The following PTPRZ1 variants were observed in gnomAD, a reference collection of about 807,000 sequenced individuals.
PTPRZ1 encodes the protein receptor-type tyrosine-protein phosphatase zeta.
Under a neutral mutation model 214.1 loss-of-function variants are expected in PTPRZ1, and 82 were observed. The ratio of observed to expected loss-of-function variants is 0.38; its 90% confidence interval spans 0.32 to 0.46. The LOEUF (loss-of-function observed/expected upper bound fraction) is 0.46, where lower values mean the gene tolerates loss of function less well. PTPRZ1 is among the 20% of genes least tolerant of loss of function. PTPRZ1 has a pLI of 1.00. For missense variants in PTPRZ1, 2,603 were observed against 2,748.7 expected (o/e 0.95, Z 1.19); for synonymous variants, 945 against 987.9 (o/e 0.96, Z 0.81).
chr7:121,913,789 A>C (rs1218247505), intron 1 of PTPRZ1, among the ~76,000 whole-genome samples: 1 of 152,292 alleles, frequency 6.6e-6, no homozygotes, highest in South Asian at 2.1e-4. Flanking sequence ...GATTGAGTGA[A>C]ATTTCAAATT....
intron 13 of PTPRZ1, among the ~76,000 whole-genome samples, chr7:122,019,623 A>G (rs1487146892): frequency 1.4e-5 from 2 of 145,120 alleles, no homozygotes; most frequent in African/African-American, 2.8e-5. Context: ...TTTTTTATAT[A>G]ATAACAAGTA....
chr7:121,963,011 T>G (rs1394120057), intron 2 of PTPRZ1, among the ~76,000 whole-genome samples: 1 of 152,084 alleles, frequency 6.6e-6, no homozygotes, highest in African/African-American at 2.4e-5. Context: ...TGTTTGTTGG[T>G]TTTTCCACTA....
intron 8 of PTPRZ1, among the ~76,000 whole-genome samples, chr7:121,993,183 C>T (rs979763630): frequency 6.6e-6 from 1 of 152,042 alleles, no homozygotes; most frequent in African/African-American, 2.4e-5. Flanking sequence ...TGTCTGAGTA[C>T]ATATTGATCT....
intron 1 of PTPRZ1, among the ~76,000 whole-genome samples, chr7:121,888,990 AAC>A (rs1261544238): frequency 6.6e-6 from 1 of 152,182 alleles, no homozygotes; most frequent in African/African-American, 2.4e-5. Context: ...CAGGTTTTAA[AAC>A]ACAATTATAT....
At chr7:121,940,741 C>T (rs1466143381) in intron 2 of PTPRZ1, among the ~76,000 whole-genome samples, 1 of 151,820 alleles carries the variant, frequency 6.6e-6, no homozygotes, top group Non-Finnish European at 1.5e-5. Context: ...GGTTTATGTC[C>T]ATCACGCAAT....
At chr7:122,052,046 A>C in intron 25 of PTPRZ1, 107 bp downstream of exon 25, 2 of 786,148 alleles carry the variant, frequency 2.5e-6, no homozygotes, top group South Asian at 2.1e-5. Flanking sequence ...ATGAGTGGTA[A>C]ATTTAAGTTA....
chr7:122,019,321 C>G (rs896595378), intron 13 of PTPRZ1, 53 bp downstream of exon 13: 1 of 1,528,780 alleles, frequency 6.5e-7, no homozygotes, highest in Admixed American at 1.8e-5. Context: ...CAGATTTTGC[C>G]CATATTTCAT....
chr7:121,958,951 G>C (rs1796791749), intron 2 of PTPRZ1, among the ~76,000 whole-genome samples: 1 of 152,146 alleles, frequency 6.6e-6, no homozygotes, highest in South Asian at 2.1e-4. Flanking sequence ...AGCCTCCTGA[G>C]TAGCTGGGAC....
At chr7:121,957,095 G>T (rs1055603968) in intron 2 of PTPRZ1, among the ~76,000 whole-genome samples, 1 of 152,198 alleles carries the variant, frequency 6.6e-6, no homozygotes, top group Non-Finnish European at 1.5e-5. Context: ...AGCTTTCTGT[G>T]CCTGGTCTCC....
At chr7:121,969,503 G>T (rs969007865) in intron 3 of PTPRZ1, among the ~76,000 whole-genome samples, 15 of 149,684 alleles carry the variant, frequency 1.0e-4, no homozygotes, top group African/African-American at 2.0e-4. Context: ...CGGAGGTTGA[G>T]TGAGCTGAGA....
intron 1 of PTPRZ1, among the ~76,000 whole-genome samples, chr7:121,924,055 A>G (rs551424529): frequency 6.6e-6 from 1 of 152,220 alleles, no homozygotes; most frequent in African/African-American, 2.4e-5. Flanking sequence ...ATTTGCTAAT[A>G]TGTATTTTCT....
intron 1 of PTPRZ1, among the ~76,000 whole-genome samples, chr7:121,886,575 G>A (rs1206767238): frequency 6.6e-6 from 1 of 151,718 alleles, no homozygotes; most frequent in East Asian, 1.9e-4. Flanking sequence ...GATATATACT[G>A]TTCAATAAAC....
At chr7:121,992,033 A>G (rs1035602436) in intron 8 of PTPRZ1, among the ~76,000 whole-genome samples, 1 of 152,194 alleles carries the variant, frequency 6.6e-6, no homozygotes, top group Admixed American at 6.5e-5. Flanking sequence ...GTATTTACGA[A>G]GCACTTTTGG....
chr7:121,930,873 TA>T (rs1328124662), intron 2 of PTPRZ1, among the ~76,000 whole-genome samples: 3 of 152,158 alleles, frequency 2.0e-5, no homozygotes, highest in Non-Finnish European at 2.9e-5. Context: ...CCCTAATAAT[TA>T]TGAGAAACAT....
intron 2 of PTPRZ1, among the ~76,000 whole-genome samples, chr7:121,943,630 G>A (rs200653191): frequency 1.3e-3 from 194 of 152,206 alleles, no homozygotes; most frequent in Non-Finnish European, 2.5e-3. Context: ...GAGCCACTGC[G>A]CCCGGCCAAT....
chr7:121,883,751 C>T (rs1284028609), intron 1 of PTPRZ1, among the ~76,000 whole-genome samples: 1 of 152,134 alleles, frequency 6.6e-6, no homozygotes, highest in Admixed American at 6.5e-5. Flanking sequence ...CTCAGCCTCC[C>T]AAGTATCTGG....
chr7:122,039,808 G>T (rs1799661277), intron 20 of PTPRZ1, among the ~76,000 whole-genome samples: 1 of 152,060 alleles, frequency 6.6e-6, no homozygotes. Flanking sequence ...GACTAGCCTG[G>T]CCAACATGGT....
intron 1 of PTPRZ1, among the ~76,000 whole-genome samples, chr7:121,882,604 T>C (rs1257885533): frequency 2.6e-5 from 4 of 152,186 alleles, no homozygotes; most frequent in Non-Finnish European, 5.9e-5. Flanking sequence ...GTTTGAAATC[T>C]ACTCATTGTA....
intron 8 of PTPRZ1, among the ~76,000 whole-genome samples, chr7:121,993,585 A>C (rs867516812): frequency 1.3e-4 from 19 of 151,604 alleles, no homozygotes; most frequent in Middle Eastern, 6.8e-3. Context: ...AAAAAAAAAA[A>C]AAAAAAAAAC....
Sources: gnomAD v4.1 joint callset for allele counts (sites outside exome capture counted in the v4.1 genomes callset) on GRCh38, gnomAD v4.1.1 for gene constraint, MANE v1.5 for transcripts, NCBI Gene and HGNC (gene_info 2026-07-23, HGNC 2026-07-21) for gene names.